The following HMCN1 variants were observed in gnomAD, a reference collection of about 807,000 sequenced individuals.
HMCN1 encodes hemicentin 1.
HMCN1 carries 321 observed loss-of-function variants against 625.9 expected under a neutral mutation model. The observed-to-expected ratio is 0.51, with a 90% CI of 0.47 to 0.56. The LOEUF is 0.56. Among genes scored for constraint, HMCN1 ranks in the 20% least tolerant of loss-of-function variants. The probability of loss-of-function intolerance (pLI) is 0.00; values close to 1 mark genes in which losing one functional copy is unlikely to be tolerated. For synonymous variants in HMCN1, 2,425 were observed against 2,417.6 expected (o/e 1.00, Z -0.09); for missense variants, 6,588 against 6,887.3 (o/e 0.96, Z 1.54).
intron 2 of HMCN1, among the ~76,000 whole-genome samples, chr1:185,847,433 C>T (rs1661892168): frequency 6.6e-6 from 1 of 152,192 alleles, no homozygotes; most frequent in South Asian, 2.1e-4. Flanking sequence ...TAACCTATAT[C>T]TCACCACCCT....
intron 46 of HMCN1, among the ~76,000 whole-genome samples, chr1:186,060,773 T>C (rs1187277395): frequency 6.6e-6 from 1 of 152,106 alleles, no homozygotes; most frequent in Non-Finnish European, 1.5e-5. Flanking sequence ...TTTTTGCCAT[T>C]GAAAGTAATG....
intron 11 of HMCN1, among the ~76,000 whole-genome samples, chr1:185,950,994 G>C (rs1374341870): frequency 6.6e-6 from 1 of 151,206 alleles, no homozygotes; most frequent in Non-Finnish European, 1.5e-5. Context: ...TAGCAGGCGA[G>C]TGATAACAGG....
At chr1:186,085,992 T>C (rs190804347) in intron 57 of HMCN1, among the ~76,000 whole-genome samples, 1 of 152,316 alleles carries the variant, frequency 6.6e-6, no homozygotes, top group African/African-American at 2.4e-5. Flanking sequence ...TTAGGAATTG[T>C]CGACTATGTT....
At chr1:185,919,229 G>A (rs1348854730) in intron 6 of HMCN1, among the ~76,000 whole-genome samples, 3 of 152,028 alleles carry the variant, frequency 2.0e-5, no homozygotes, top group African/African-American at 7.2e-5. Context: ...GCCCCTCCAA[G>A]ACCTTGGTGT....
At chr1:185,784,206 G>A (rs574547712) in intron 1 of HMCN1, among the ~76,000 whole-genome samples, 74 of 152,310 alleles carry the variant, frequency 4.9e-4, no homozygotes, top group South Asian at 3.9e-3. Flanking sequence ...TTGGAAAAGC[G>A]CAGTATTAGG....
At chr1:185,791,344 G>A (rs1477680479) in intron 1 of HMCN1, among the ~76,000 whole-genome samples, 3 of 152,008 alleles carry the variant, frequency 2.0e-5, no homozygotes, top group African/African-American at 7.3e-5. Context: ...TAGGTTGAAA[G>A]GAAGTAGAAA....
At chr1:185,967,390 T>C (rs1650485409) in intron 14 of HMCN1, among the ~76,000 whole-genome samples, 3 of 152,116 alleles carry the variant, frequency 2.0e-5, no homozygotes, top group South Asian at 4.2e-4. Context: ...ATTTACTCTC[T>C]GTTTCTTATC....
rs1655795939 is a variant in HMCN1 at position 186,036,005 on chromosome 1, C to CAAAAATTTA, written c.5750-1927_5750-1926insAAATTTAAA. Among the ~76,000 whole-genome samples the CAAAAATTTA allele has an allele frequency of 5.3e-5, 8 of 152,114 alleles. No homozygotes were observed. In the South Asian group the frequency reaches 1.7e-3, roughly 32 times the overall value. ...TTTTTGAATTTTTCTTGCTTTTTAA[C>CAAAAATTTA]AATTTTTGCTTTGTTATTCAATGCA... On this transcript the variant is annotated intron_variant, in intron 36 of 106. Coordinates refer to ENST00000271588, the MANE Select transcript of HMCN1 (RefSeq NM_031935.3).
Position 186,120,104 on chromosome 1 carries a change from C to T in HMCN1, c.12188C>T (p.Pro4063Leu), listed in dbSNP as rs147031215. 1.1e-5 allele frequency: 18 copies of T among 1,613,814 alleles called. No homozygotes were observed. The East Asian group carries it at 1.3e-4, about 12-fold the overall frequency. ...AGTYMCVAQNPAGTALGKIKL... is the reference protein window; with the variant it reads ...AGTYMCVAQNLAGTALGKIKL... ...ACTTACATGTGTGTGGCCCAGAACCCGGCTGGTACAGCCTTGGGCAAAATC... is the reference window on the plus strand; with the variant it reads ...ACTTACATGTGTGTGGCCCAGAACCTGGCTGGTACAGCCTTGGGCAAAATC... Residue 4063 changes from proline (P) to leucine (L), a missense_variant, in exon 80 of 107, where the codon CCG becomes CTG. Pro to Leu is a moderately conservative substitution (Grantham distance 98). Transcript: ENST00000271588.
chr1:185,931,481 T>G (rs1032943183), intron 10 of HMCN1, among the ~76,000 whole-genome samples: 5 of 152,348 alleles, frequency 3.3e-5, no homozygotes, highest in African/African-American at 1.2e-4. Flanking sequence ...GCAGTGGTGG[T>G]GTCGTATGCC....
chr1:185,880,136 G>A (rs760912916), intron 4 of HMCN1, among the ~76,000 whole-genome samples: 2 of 152,042 alleles, frequency 1.3e-5, no homozygotes, highest in African/African-American at 4.8e-5. Context: ...GCCTAGATGA[G>A]GGATATATTT....
intron 39 of HMCN1, among the ~76,000 whole-genome samples, chr1:186,040,145 C>T (rs1176073213): frequency 6.6e-6 from 1 of 151,996 alleles, no homozygotes; most frequent in Non-Finnish European, 1.5e-5. Flanking sequence ...TTGTTTTCTA[C>T]CTGCCCCACT....
chr1:186,153,677 T>A, intron 96 of HMCN1, 73 bp from the exon 97 acceptor site: 1 of 1,219,630 alleles, frequency 8.2e-7, no homozygotes, highest in Non-Finnish European at 1.2e-6. Context: ...TCATTCTGCA[T>A]TTCATAGTCC....
rs143473950 is a variant in HMCN1, at chr1:185,977,848, A to G, written c.2433A>G (p.Thr811=). 7 of 1,613,316 alleles carry G rather than the reference A, an allele frequency of 4.3e-6. No homozygotes were observed. In the East Asian group the frequency reaches 1.6e-4, roughly 36 times the overall value. The part of the protein sequence containing the change: ...DVSMEIGSNV[T]LPCYVQGYPE... ...CTATGGAAATTGGCTCAAATGTGAC[A>G]TTACCTTGTTATGTTCAGGGTTATC... The change falls in exon 16 of 107, where the codon ACA becomes ACG. Residue 811 remains threonine, a synonymous_variant. Transcript: ENST00000271588.
At chr1:185,804,414 T>C (rs1262647609) in intron 1 of HMCN1, among the ~76,000 whole-genome samples, 1 of 152,068 alleles carries the variant, frequency 6.6e-6, no homozygotes, top group Non-Finnish European at 1.5e-5. Flanking sequence ...AATAACTAGA[T>C]CTTTTTCTTC....
At chr1:185,790,918 G>T (rs1254266593) in intron 1 of HMCN1, among the ~76,000 whole-genome samples, 1 of 152,054 alleles carries the variant, frequency 6.6e-6, no homozygotes, top group Non-Finnish European at 1.5e-5. Context: ...TGTATATAAG[G>T]TTAAGCATAC....
Position 186,117,504 on chromosome 1 carries a change from A to G in HMCN1, c.11729A>G (p.Lys3910Arg). 6.2e-7 allele frequency: 1 copy of G among 1,613,898 alleles called. No individual in the cohort carries two copies. The highest frequency in any genetic ancestry group is 8.5e-7 in the Non-Finnish European group (1 of 1,179,846). The change falls in exon 77 of 107, where the codon AAA becomes AGA. Residue 3910 changes from lysine to arginine, a missense_variant. By Grantham distance (26) the Lys-to-Arg change is conservative. This residue lies in a region of HMCN1 where 4,628 missense variants were observed against 4,853.1 expected (regional missense o/e 0.95). Coordinates refer to ENST00000271588, the MANE Select transcript of HMCN1 (RefSeq NM_031935.3). ...ADEPTDFLVTKHAPAVITCTA... is the reference protein window; with the variant it reads ...ADEPTDFLVTRHAPAVITCTA... ...GAGCCTACAGATTTCCTAGTAACCA[A>G]ACATGCCCCAGCAGTAATTACCTGC... is the stretch of plus-strand genomic sequence containing the variant.
chr1:186,072,627 G>A (rs1052620932), intron 52 of HMCN1, among the ~76,000 whole-genome samples: 1 of 152,140 alleles, frequency 6.6e-6, no homozygotes, highest in African/African-American at 2.4e-5. Context: ...TTCTTACTTA[G>A]GGAAGACCTC....
intron 55 of HMCN1, among the ~76,000 whole-genome samples, chr1:186,078,801 T>G (rs1268730056): frequency 6.6e-6 from 1 of 152,210 alleles, no homozygotes; most frequent in Non-Finnish European, 1.5e-5. Context: ...TAAGGTCTAG[T>G]TCATGTGTCC....
Sources: gnomAD v4.1 joint callset for allele counts (sites outside exome capture counted in the v4.1 genomes callset) on GRCh38, gnomAD v4.1.1 for gene constraint, gnomAD v4.1.1 regional missense constraint, MANE v1.5 for transcripts, NCBI Gene and HGNC (gene_info 2026-07-23, HGNC 2026-07-21) for gene names.